Variants in GRM7 observed in about 807,000 individuals in gnomAD.
GRM7 encodes the protein metabotropic glutamate receptor 7.
GRM7 carries 35 observed loss-of-function variants against 84.5 expected under a neutral mutation model. The ratio of observed to expected loss-of-function variants is 0.41; its 90% confidence interval spans 0.32 to 0.55. GRM7 has a LOEUF of 0.55. GRM7 is among the 20% of genes least tolerant of loss of function. The probability of loss-of-function intolerance (pLI) is 0.19; values close to 1 mark genes in which losing one functional copy is unlikely to be tolerated. For synonymous variants in GRM7, 487 were observed against 455.1 expected (o/e 1.07, Z -0.89); for missense variants, 1,003 against 1,194.6 (o/e 0.84, Z 2.36).
chr3:7,143,404 C>T (rs1033874565), intron 1 of GRM7, among the ~76,000 whole-genome samples: 17 of 152,126 alleles, frequency 1.1e-4, no homozygotes, highest in Admixed American at 2.6e-4. Context: ...TCCTTTTTGT[C>T]TTTCATTCCT....
intron 3 of GRM7, among the ~76,000 whole-genome samples, chr3:7,300,552 T>C (rs1442478986): frequency 2.0e-5 from 3 of 152,158 alleles, no homozygotes; most frequent in Admixed American, 2.0e-4. Flanking sequence ...GAGATCTGGC[T>C]GTTTCACCTT....
chr3:7,470,737 C>T (rs1698667494), intron 7 of GRM7, among the ~76,000 whole-genome samples: 2 of 152,020 alleles, frequency 1.3e-5, no homozygotes, highest in Admixed American at 6.6e-5. Context: ...AGAAATACAA[C>T]AAGATAAATG....
At chr3:7,502,429 A>G (rs992006573) in intron 7 of GRM7, among the ~76,000 whole-genome samples, 1 of 152,198 alleles carries the variant, frequency 6.6e-6, no homozygotes, top group African/African-American at 2.4e-5. Context: ...CCTAGGTCTC[A>G]GTTTCCTAAC....
chr3:7,057,731 C>A lies in GRM7; in HGVS notation c.520-88721C>A, dbSNP rs114893444. Reference sequence around the variant, plus strand: ...TTTTCCAGCTGGAGAAATGGAGGCTCAATGTTTTAGGATGGGTGAGGTAGT... The same window carrying A: ...TTTTCCAGCTGGAGAAATGGAGGCTAAATGTTTTAGGATGGGTGAGGTAGT... On this transcript the variant is annotated intron_variant, in intron 1 of 9. Transcript: ENST00000357716. Among the ~76,000 whole-genome samples the A allele has an allele frequency of 2.8e-3, 425 of 151,938 alleles. 2 individuals are homozygous for A. The highest frequency in any genetic ancestry group is 0.017 in the Middle Eastern group (5 of 294).
At chr3:7,203,278 T>A (rs1696126900) in intron 2 of GRM7, among the ~76,000 whole-genome samples, 1 of 152,216 alleles carries the variant, frequency 6.6e-6, no homozygotes, top group African/African-American at 2.4e-5. Flanking sequence ...AGATCAAGTG[T>A]AGCTCTCACA....
intron 8 of GRM7, among the ~76,000 whole-genome samples, chr3:7,666,655 G>A: frequency 6.6e-6 from 1 of 152,140 alleles, no homozygotes; most frequent in East Asian, 1.9e-4. Context: ...TGTGCTTTAG[G>A]TGTTATTAAC....
At chr3:7,060,620 G>A (rs1697405706) in intron 1 of GRM7, among the ~76,000 whole-genome samples, 2 of 151,724 alleles carry the variant, frequency 1.3e-5, no homozygotes, top group Non-Finnish European at 2.9e-5. Flanking sequence ...CTATTGTTAT[G>A]TTAAGCCACT....
At chr3:7,215,852 A>G (rs1315917868) in intron 2 of GRM7, among the ~76,000 whole-genome samples, 2 of 152,072 alleles carry the variant, frequency 1.3e-5, no homozygotes, top group Non-Finnish European at 2.9e-5. Flanking sequence ...CTTCAACACA[A>G]CGTCTTAGAA....
intron 1 of GRM7, among the ~76,000 whole-genome samples, chr3:6,956,788 G>A (rs1402912241): frequency 6.6e-6 from 1 of 152,158 alleles, no homozygotes; most frequent in African/African-American, 2.4e-5. Context: ...TGTTCAAGTA[G>A]CACAGGGGCC....
rs1698020540 is a variant in GRM7 at position 7,075,194 on chromosome 3, C to A, written c.520-71258C>A. Among the ~76,000 whole-genome samples the A allele has an allele frequency of 2.0e-5, 3 of 152,270 alleles. No homozygotes were observed. In the South Asian group the frequency reaches 6.2e-4, roughly 32 times the overall value. ...CTTCTACAGTAGTTTACAGTGAAAA[C>A]TGATGCTATAGAATGTTGATTCAGG... On this transcript the variant is annotated intron_variant, in intron 1 of 9. Transcript: ENST00000357716.
At chr3:7,442,284 A>T (rs1350301506) in intron 5 of GRM7, among the ~76,000 whole-genome samples, 1 of 152,122 alleles carries the variant, frequency 6.6e-6, no homozygotes, top group Non-Finnish European at 1.5e-5. Flanking sequence ...TGCTATTGGT[A>T]TATAGAAATG....
At chr3:7,622,219 C>G (rs1697392853) in intron 8 of GRM7, among the ~76,000 whole-genome samples, 1 of 152,096 alleles carries the variant, frequency 6.6e-6, no homozygotes, top group Non-Finnish European at 1.5e-5. Context: ...ATTCAACAAA[C>G]TTTTGCATTA....
chr3:7,497,112 T>C (rs1414506609), intron 7 of GRM7, among the ~76,000 whole-genome samples: 2 of 140,306 alleles, frequency 1.4e-5, no homozygotes, highest in African/African-American at 2.5e-5. Context: ...CTTGTGGCCA[T>C]GTCTAGCATG....
chr3:7,448,006 T>G (rs1409300771), intron 5 of GRM7, among the ~76,000 whole-genome samples: 1 of 149,808 alleles, frequency 6.7e-6, no homozygotes, highest in African/African-American at 2.5e-5. Context: ...GGTGTTTGGT[T>G]TTTTGTCCTT....
Position 7,486,190 on chromosome 3 carries a change from A to T in GRM7, c.1515+24468A>T, listed in dbSNP as rs537499227. 1.3e-4 allele frequency among the ~76,000 whole-genome samples: 20 copies of T among 152,258 alleles called. No individual in the cohort carries two copies. In the South Asian group the frequency reaches 2.3e-3, roughly 17 times the overall value. ...CTAAAAGTAGAAAAGAACAAGTAAA[A>T]TGTCATGAGTTTTCATAATTTTTTG... On this transcript the variant is annotated intron_variant, in intron 7 of 9. Coordinates refer to ENST00000357716, the MANE Select transcript of GRM7 (RefSeq NM_000844.4). The surrounding 1 kb of genome is among the most constrained non-coding windows in gnomAD (Gnocchi z 5.5).
chr3:7,281,891 G>T (rs1255951689), intron 2 of GRM7, among the ~76,000 whole-genome samples: 1 of 152,168 alleles, frequency 6.6e-6, no homozygotes, highest in Non-Finnish European at 1.5e-5. Flanking sequence ...GACAAGCCTG[G>T]GCAACAGGGT....
At chr3:7,045,632 T>C (rs1427198367) in intron 1 of GRM7, among the ~76,000 whole-genome samples, 1 of 152,184 alleles carries the variant, frequency 6.6e-6, no homozygotes, top group Non-Finnish European at 1.5e-5. Flanking sequence ...AGTGATATTG[T>C]GAACTATTTG....
At chr3:6,881,792 G>C (rs113889784) in intron 1 of GRM7, among the ~76,000 whole-genome samples, 5 of 152,264 alleles carry the variant, frequency 3.3e-5, no homozygotes, top group African/African-American at 1.2e-4. Flanking sequence ...GCCACACTCA[G>C]ATGCATAGAC....
intron 1 of GRM7, among the ~76,000 whole-genome samples, chr3:6,950,933 G>A (rs80233326): frequency 2.6e-5 from 4 of 152,290 alleles, no homozygotes; most frequent in South Asian, 2.1e-4. Flanking sequence ...AGAGTGACCC[G>A]ATTTTCCAGG....
Sources: gnomAD v4.1 joint callset for allele counts (sites outside exome capture counted in the v4.1 genomes callset) on GRCh38, gnomAD v4.1.1 for gene constraint, Gnocchi (gnomAD v3.1) non-coding constraint, MANE v1.5 for transcripts, NCBI Gene and HGNC (gene_info 2026-07-23, HGNC 2026-07-21) for gene names.